The following CHMP7 variants were observed in gnomAD, a reference collection of about 807,000 sequenced individuals.
The protein encoded by CHMP7 is charged multivesicular body protein 7.
In CHMP7, 15 loss-of-function variants were observed where a neutral mutation model predicts 53.7. That is an observed-to-expected ratio of 0.28 (90% CI 0.19 to 0.43). The LOEUF (loss-of-function observed/expected upper bound fraction) is 0.43. Ranked by LOEUF, CHMP7 falls within the 20% of genes least tolerant of loss-of-function variation. The probability of loss-of-function intolerance (pLI) is 1.00; values close to 1 mark genes in which losing one functional copy is unlikely to be tolerated. For missense variants in CHMP7, 527 were observed against 569.4 expected (o/e 0.93, Z 0.76); for synonymous variants, 261 against 228.0 (o/e 1.14, Z -1.30).
chr8:23,257,006 A>G (rs1325554711), intron 5 of CHMP7, among the ~76,000 whole-genome samples: 2 of 149,662 alleles, frequency 1.3e-5, no homozygotes, highest in Admixed American at 1.3e-4. Context: ...GTTAGCCAGG[A>G]TGGTCTGAAT....
At chr8:23,260,055 C>T (rs1042992370) in intron 9 of CHMP7, 89 bp from the exon 10 acceptor site, 58 of 1,057,344 alleles carry the variant, frequency 5.5e-5, no homozygotes, top group Non-Finnish European at 7.7e-5. Flanking sequence ...TTTTGTAAAG[C>T]TAAGCGGGTT....
rs200178384 is a variant in CHMP7, at chr8:23,255,312, C to T, written c.537C>T (p.Ala179=). 1.7e-5 allele frequency: 27 copies of T among 1,614,162 alleles called. No homozygotes were observed. The highest frequency in any genetic ancestry group is 2.3e-5 in the Non-Finnish European group (27 of 1,180,034). The stretch of plus-strand genomic sequence containing the variant: ...CCCTCTCCTCCCACCCCGTGGTGGC[C>T]CTGTCAGAGCTCAGCACCCTCTGTG... ...NSPLSSHPVV[A]LSELSTLCAN... is the part of the protein sequence containing the mutation. Residue 179 remains alanine (A), a synonymous_variant, in exon 4 of 11, where the codon GCC becomes GCT. Coordinates refer to ENST00000397677, the MANE Select transcript of CHMP7 (RefSeq NM_152272.5).
At chr8:23,244,709 T>A (rs917478916) in intron 1 of CHMP7, among the ~76,000 whole-genome samples, 2 of 152,228 alleles carry the variant, frequency 1.3e-5, no homozygotes, top group African/African-American at 4.8e-5. Flanking sequence ...TTTCACTGGA[T>A]CTACAGATCA....
intron 3 of CHMP7, among the ~76,000 whole-genome samples, chr8:23,250,164 C>A (rs947648684): frequency 6.6e-6 from 1 of 152,162 alleles, no homozygotes; most frequent in Non-Finnish European, 1.5e-5. Context: ...TCCCCTCACA[C>A]GCTCATTCCA....
Position 23,260,132 on chromosome 8 carries a change from T to C in CHMP7, c.1121-12T>C. 2 of 1,612,078 alleles carry C rather than the reference T, an allele frequency of 1.2e-6. No homozygotes were observed. The highest frequency in any genetic ancestry group is 1.7e-6 in the Non-Finnish European group (2 of 1,178,162). On this transcript the variant is annotated splice_polypyrimidine_tract_variant and intron_variant, in intron 9 of 10. Transcript: ENST00000397677. ...TGAGTTTATGCATCTTTATGTTGTC[T>C]TTTCTTTCCAGATTTTGACAGTGAA...
intron 2 of CHMP7, among the ~76,000 whole-genome samples, chr8:23,249,007 A>G (rs1329455698): frequency 6.6e-6 from 1 of 152,144 alleles, no homozygotes; most frequent in Non-Finnish European, 1.5e-5. Context: ...AATGCTCATA[A>G]TACCGCCTCC....
In CHMP7 at chr8:23,249,195, T is replaced by C; in HGVS notation, c.300-15T>C. On this transcript the variant is annotated splice_polypyrimidine_tract_variant and intron_variant, in intron 2 of 10. Coordinates refer to ENST00000397677, the MANE Select transcript of CHMP7 (RefSeq NM_152272.5). The stretch of plus-strand genomic sequence containing the variant: ...ATTAAGTGCTACTACACGCCCTTCT[T>C]TTTCTTCCCTGCAGTCGAGGGGAGC... 1.3e-6 allele frequency: 2 copies of C among 1,557,718 alleles called. No individual in the cohort carries two copies. Among genetic ancestry groups the C allele is most frequent in the Non-Finnish European group, 8.7e-7 (1 of 1,155,450 alleles).
Position 23,256,594 on chromosome 8 carries a change from G to T in CHMP7, c.791+1G>T, listed in dbSNP as rs1279317280. 6.2e-7 allele frequency: 1 copy of T among 1,613,574 alleles called. No individual in the cohort carries two copies. ...AGTCCTTATCCCAGGAAGCAGAGAG[G>T]TAACTTTTAACCCTGAACTGAGCCT... On this transcript the variant is annotated splice_donor_variant, in intron 5 of 10. Coordinates refer to ENST00000397677, the MANE Select transcript of CHMP7 (RefSeq NM_152272.5). LOFTEE classifies it high-confidence loss of function.
At chr8:23,259,181 T>TG (rs1802273998) in intron 9 of CHMP7, 55 bp downstream of exon 9, 1 of 1,005,242 alleles carries the variant, frequency 9.9e-7, no homozygotes, top group African/African-American at 1.7e-5. Context: ...TTTTTTTTTT[T>TG]TTTTTGAGAC....
intron 3 of CHMP7, among the ~76,000 whole-genome samples, chr8:23,253,271 A>T (rs12544414): frequency 6.6e-6 from 1 of 152,188 alleles, no homozygotes; most frequent in South Asian, 2.1e-4. Context: ...TCTTGGATAT[A>T]GCTCAGACAT....
chr8:23,258,399 A>T lies in CHMP7; in HGVS notation c.910A>T (p.Thr304Ser). The T allele has an allele frequency of 1.2e-6, 2 of 1,614,128 alleles. No homozygotes were observed. Among genetic ancestry groups the T allele is most frequent in the Non-Finnish European group, 1.7e-6 (2 of 1,180,028 alleles). ...CGAGGCCTTGCATGCCAAGCTGGAC[A>T]CTGTTCAAGGCATCCTGGACCGGAT... Reference protein sequence around the residue: ...RIEALHAKLDTVQGILDRIYA... With the variant: ...RIEALHAKLDSVQGILDRIYA... The change falls in exon 7 of 11, where the codon ACT (threonine) becomes TCT (serine). Residue 304 changes from threonine (T) to serine (S), a missense_variant. Physicochemically the swap from Thr to Ser is moderately conservative, Grantham distance 58 (BLOSUM62 1). Transcript: ENST00000397677.
chr8:23,258,203 C>A, intron 6 of CHMP7, 122 bp downstream of exon 6: 10 of 1,458,204 alleles, frequency 6.9e-6, no homozygotes, highest in Non-Finnish European at 9.5e-6. Context: ...GGGGCCCAGG[C>A]ACCACAGCTT....
intron 3 of CHMP7, among the ~76,000 whole-genome samples, chr8:23,252,858 T>G (rs1171078235): frequency 1.3e-5 from 2 of 152,250 alleles, no homozygotes; most frequent in Non-Finnish European, 2.9e-5. Flanking sequence ...TGATGTCGTG[T>G]AACATTAATT....
rs1466269607 is a variant in CHMP7, at chr8:23,258,405, C to G, written c.916C>G (p.Gln306Glu). The G allele has an allele frequency of 1.9e-6, 3 of 1,614,110 alleles. No homozygotes were observed. Among genetic ancestry groups the G allele is most frequent in the Non-Finnish European group, 1.7e-6 (2 of 1,180,022 alleles). Residue 306 changes from glutamine to glutamate, a missense_variant, in exon 7 of 11, where the codon CAA becomes GAA. Physicochemically the swap from Gln to Glu is conservative, Grantham distance 29. Coordinates refer to ENST00000397677, the MANE Select transcript of CHMP7 (RefSeq NM_152272.5). ...CTTGCATGCCAAGCTGGACACTGTT[C>G]AAGGCATCCTGGACCGGATCTATGC... ...EALHAKLDTV[Q>E]GILDRIYASQ...
intron 2 of CHMP7, among the ~76,000 whole-genome samples, chr8:23,247,542 C>T (rs1259290367): frequency 2.0e-5 from 3 of 152,132 alleles, no homozygotes; most frequent in East Asian, 1.9e-4. Flanking sequence ...TCTGAGTGCC[C>T]TTAAAAGGTC....
chr8:23,247,279 C>A (rs200570113), intron 2 of CHMP7, among the ~76,000 whole-genome samples: 1 of 152,202 alleles, frequency 6.6e-6, no homozygotes, highest in South Asian at 2.1e-4. Flanking sequence ...CAGTAATTTG[C>A]CTGGACTGGG....
intron 4 of CHMP7, among the ~76,000 whole-genome samples, chr8:23,255,856 G>T (rs1447643015): frequency 6.6e-6 from 1 of 151,504 alleles, no homozygotes; most frequent in Non-Finnish European, 1.5e-5. Context: ...CCGCCTCCCG[G>T]GTTCAAGCGA....
In CHMP7 at chr8:23,246,592, G is replaced by T; in HGVS notation, c.-104G>T. 1.0e-6 allele frequency: 1 copy of T among 962,762 alleles called. No individual in the cohort carries two copies. Among genetic ancestry groups the T allele is most frequent in the Non-Finnish European group, 1.5e-6 (1 of 657,898 alleles). The allele number at this position is 962,762 out of a possible 1,614,324, so 59.6% of individuals were successfully genotyped here. On this transcript the variant is annotated 5_prime_UTR_variant, in exon 2 of 11. The change abolishes the stop of an existing upstream ORF in the 5' untranslated region. Coordinates refer to ENST00000397677, the MANE Select transcript of CHMP7 (RefSeq NM_152272.5). ...CACGCTCAGGGCGGCGGTGACGTGT[G>T]AACGAGAAGGAGGTGGTCAAGGAAC...
chr8:23,249,444 C>A lies in CHMP7; in HGVS notation c.471+63C>A, dbSNP rs187774072. 2,721 of 1,328,618 alleles carry A rather than the reference C, an allele frequency of 2.0e-3. 6 individuals are homozygous for A. Among genetic ancestry groups the A allele is most frequent in the Admixed American group, 3.5e-3 (135 of 38,610 alleles). 82.3% of individuals were successfully genotyped at this position (1,328,618 alleles called of 1,614,324 possible). On this transcript the variant is annotated intron_variant, in intron 3 of 10. Transcript: ENST00000397677. The stretch of plus-strand genomic sequence containing the variant: ...TGTGATCACAGCATCCTCCACGTCC[C>A]TTGTGTGCGTTCTTGAAAAAAGACC...
Sources: allele counts gnomAD v4.1 joint callset (sites outside exome capture counted in the v4.1 genomes callset), GRCh38; gene constraint gnomAD v4.1.1; transcripts MANE v1.5; gene names NCBI Gene and HGNC (gene_info 2026-07-23, HGNC 2026-07-21).